The following HCN1 variants were observed in gnomAD, a reference collection of about 807,000 sequenced individuals.
HCN1 encodes the protein hyperpolarization activated cyclic nucleotide gated potassium channel 1, also known as potassium/sodium hyperpolarization-activated cyclic nucleotide-gated channel 1.
HCN1 carries 13 observed loss-of-function variants against 78.9 expected under a neutral mutation model. The observed-to-expected ratio is 0.16, with a 90% confidence interval of 0.11 to 0.26. The LOEUF is 0.26. Among genes scored for constraint, HCN1 ranks in the 10% least tolerant of loss-of-function variants. HCN1 has a pLI of 1.00. For missense variants in HCN1, 810 were observed against 1,154.3 expected, an observed-to-expected ratio of 0.70 and a Z score of 4.32; for synonymous variants, 552 against 455.5, an observed-to-expected ratio of 1.21 and a Z score of -2.70.
chr5:45,526,150 C>T (rs139175780), intron 2 of HCN1, among the ~76,000 whole-genome samples: 462 of 152,122 alleles, frequency 3.0e-3, no homozygotes, highest in African/African-American at 8.4e-3. Flanking sequence ...TTTGTTAGAG[C>T]GGCCCAGATT....
chr5:45,591,980 G>A (rs1744373293), intron 2 of HCN1, among the ~76,000 whole-genome samples: 1 of 151,256 alleles, frequency 6.6e-6, no homozygotes, highest in Admixed American at 6.6e-5. Flanking sequence ...TGTAAAATCT[G>A]TGTCTAGATA....
chr5:45,407,115 A>G (rs1377568925), intron 3 of HCN1, among the ~76,000 whole-genome samples: 1 of 152,158 alleles, frequency 6.6e-6, no homozygotes, highest in Non-Finnish European at 1.5e-5. Context: ...CAACACCTGG[A>G]CAAAGTAAAA....
intron 2 of HCN1, among the ~76,000 whole-genome samples, chr5:45,528,618 G>A (rs1316413516): frequency 2.0e-5 from 3 of 151,912 alleles, no homozygotes. Context: ...TATTAACTAT[G>A]CTGCTTAATA....
At chr5:45,587,275 AACAGCAAAG>A (rs1744250541) in intron 2 of HCN1, among the ~76,000 whole-genome samples, 1 of 152,346 alleles carries the variant, frequency 6.6e-6, no homozygotes, top group African/African-American at 2.4e-5. Flanking sequence ...CACTGTTCAC[AACAGCAAAG>A]ACTTGGAACC....
intron 5 of HCN1, among the ~76,000 whole-genome samples, chr5:45,346,820 C>T (rs1184240752): frequency 1.3e-5 from 2 of 152,206 alleles, no homozygotes; most frequent in South Asian, 2.1e-4. Flanking sequence ...GGAGGGGCAC[C>T]CTCCATGGCC....
chr5:45,357,205 G>A (rs967200861), intron 4 of HCN1, among the ~76,000 whole-genome samples: 1 of 151,936 alleles, frequency 6.6e-6, no homozygotes, highest in African/African-American at 2.4e-5. Flanking sequence ...CCAAGTAAAC[G>A]ACTAAGAAAG....
intron 2 of HCN1, among the ~76,000 whole-genome samples, chr5:45,551,508 T>C (rs1743369863): frequency 1.3e-5 from 2 of 151,872 alleles, no homozygotes; most frequent in Non-Finnish European, 2.9e-5. Context: ...TGAGCAATCA[T>C]GGAGAATTAG....
intron 1 of HCN1, among the ~76,000 whole-genome samples, chr5:45,666,704 T>C (rs2112069212): frequency 6.6e-6 from 1 of 152,202 alleles, no homozygotes; most frequent in African/African-American, 2.4e-5. Flanking sequence ...CCCATTATAT[T>C]ATATCACCAT....
intron 3 of HCN1, among the ~76,000 whole-genome samples, chr5:45,458,486 G>T (rs552562972): frequency 2.6e-5 from 4 of 152,072 alleles, no homozygotes; most frequent in African/African-American, 9.6e-5. Context: ...CTTGATTTTG[G>T]TTTTCTACAT....
chr5:45,451,549 T>C (rs987213417), intron 3 of HCN1, among the ~76,000 whole-genome samples: 9 of 151,850 alleles, frequency 5.9e-5, no homozygotes, highest in Non-Finnish European at 8.8e-5. Flanking sequence ...TAATCATAAA[T>C]AAATGGCACA....
chr5:45,398,151 C>T (rs928886739), intron 3 of HCN1, among the ~76,000 whole-genome samples: 1 of 151,916 alleles, frequency 6.6e-6, no homozygotes, highest in African/African-American at 2.4e-5. Context: ...AACAACTTTT[C>T]AATAAATATT....
intron 6 of HCN1, among the ~76,000 whole-genome samples, chr5:45,293,255 A>G (rs1745416580): frequency 6.6e-6 from 1 of 152,050 alleles, no homozygotes; most frequent in Non-Finnish European, 1.5e-5. Flanking sequence ...CCTCACCAGT[A>G]TCTATAATTT....
At chr5:45,451,586 A>T (rs1018594497) in intron 3 of HCN1, among the ~76,000 whole-genome samples, 4 of 152,034 alleles carry the variant, frequency 2.6e-5, no homozygotes, top group Non-Finnish European at 5.9e-5. Context: ...GCTTGGGAGC[A>T]ATGGGGAGAT....
At chr5:45,349,107 G>T (rs1169887038) in intron 5 of HCN1, among the ~76,000 whole-genome samples, 1 of 151,950 alleles carries the variant, frequency 6.6e-6, no homozygotes, top group Non-Finnish European at 1.5e-5. Flanking sequence ...TTCCAAAATT[G>T]ACCACATACT....
At chr5:45,352,981 C>A in intron 5 of HCN1, 119 bp downstream of exon 5, 1 of 816,352 alleles carries the variant, frequency 1.2e-6, no homozygotes. Flanking sequence ...AAGATAAGGA[C>A]AAAATATCTT....
At chr5:45,420,003 C>T (rs182920543) in intron 3 of HCN1, among the ~76,000 whole-genome samples, 7 of 152,184 alleles carry the variant, frequency 4.6e-5, no homozygotes, top group South Asian at 2.1e-4. Context: ...CATGGGAAAA[C>T]GGAAAGAAAA....
rs997574309 is a variant in HCN1 at position 45,260,149 on chromosome 5, C to T, written c.*1772G>A. On this transcript the variant is annotated 3_prime_UTR_variant, in exon 8 of 8. Coordinates refer to ENST00000303230, the MANE Select transcript of HCN1 (RefSeq NM_021072.4). ...TTCTGCTTTTGTTTTTGTTTTCTGTCCTCAAGTCTATCTGCAGGCCCTGTC... is the reference window on the plus strand; with the variant it reads ...TTCTGCTTTTGTTTTTGTTTTCTGTTCTCAAGTCTATCTGCAGGCCCTGTC... 6.6e-6 allele frequency: 1 copy of T among 152,228 alleles called. No homozygotes were observed. Among genetic ancestry groups the T allele is most frequent in the Non-Finnish European group, 1.5e-5 (1 of 68,048 alleles). 9.4% of individuals were successfully genotyped at this position (152,228 alleles called of 1,614,324 possible). A position where few individuals can be genotyped will look rare whatever the true frequency, so the allele number is the denominator to read the frequency against.
chr5:45,654,026 C>T (rs562968693), intron 1 of HCN1, among the ~76,000 whole-genome samples: 6 of 152,148 alleles, frequency 3.9e-5, no homozygotes, highest in South Asian at 2.1e-4. Context: ...TTATGATGCA[C>T]GTTTTTAATA....
At chr5:45,279,277 G>A (rs1416628611) in intron 6 of HCN1, among the ~76,000 whole-genome samples, 3 of 152,072 alleles carry the variant, frequency 2.0e-5, no homozygotes, top group Non-Finnish European at 2.9e-5. Context: ...AGGACACCAG[G>A]AAATCCTCCC....
Sources: allele counts gnomAD v4.1 joint callset (sites outside exome capture counted in the v4.1 genomes callset), GRCh38; gene constraint gnomAD v4.1.1; transcripts MANE v1.5; gene names NCBI Gene and HGNC (gene_info 2026-07-23, HGNC 2026-07-21).